The following MAP6 variants were observed in gnomAD, a reference collection of about 807,000 sequenced individuals.
The protein encoded by MAP6 is microtubule associated protein 6.
A neutral mutation model predicts 42.4 loss-of-function variants in MAP6; 26 were observed. The ratio of observed to expected loss-of-function variants is 0.61; its 90% CI spans 0.45 to 0.85. The LOEUF is 0.85. MAP6 is among the 40% of genes least tolerant of loss of function. MAP6 has a pLI of 0.00. For synonymous variants in MAP6, 418 were observed against 443.8 expected (o/e 0.94, Z 0.73); for missense variants, 966 against 1,099.0 (o/e 0.88, Z 1.71).
rs75023921 is a variant in MAP6 at position 75,625,885 on chromosome 11, C to A, written c.906-17563G>T. Among the ~76,000 whole-genome samples, 915 of 152,306 alleles carry A rather than the reference C, an allele frequency of 6.0e-3. 19 individuals are homozygous for A. In the East Asian group the frequency reaches 0.062, roughly 10 times the overall value. ...CATCTGGAGGATCAAGGCCAGACTC[C>A]CCAGCCAGACCACGGGTCCAGTCCA... is the stretch of plus-strand genomic sequence containing the variant. On this transcript the variant is annotated intron_variant, in intron 1 of 3. Transcript: ENST00000304771.
chr11:75,615,475 T>C (rs144147993), intron 1 of MAP6, among the ~76,000 whole-genome samples: 5 of 152,334 alleles, frequency 3.3e-5, no homozygotes, highest in Non-Finnish European at 7.3e-5. Flanking sequence ...GAAAAATTAT[T>C]GCATTTCTTC....
intron 1 of MAP6, among the ~76,000 whole-genome samples, chr11:75,624,902 G>A (rs1943171019): frequency 2.0e-5 from 3 of 152,276 alleles, no homozygotes; most frequent in Admixed American, 2.0e-4. Flanking sequence ...GGCCTCTGCT[G>A]GCGATTCTGT....
chr11:75,603,109 G>T (rs184023969), intron 3 of MAP6: 82 of 985,628 alleles, frequency 8.3e-5, no homozygotes, highest in South Asian at 1.4e-4. Context: ...CCTCAGAGAG[G>T]CAAAGAAAGC....
At chr11:75,664,599 A>T (rs1943915007) in intron 1 of MAP6, among the ~76,000 whole-genome samples, 1 of 152,246 alleles carries the variant, frequency 6.6e-6, no homozygotes, top group South Asian at 2.1e-4. Flanking sequence ...TTGTAAATCA[A>T]ATTATCATTG....
chr11:75,633,431 A>G (rs750080404), intron 1 of MAP6, among the ~76,000 whole-genome samples: 1 of 152,236 alleles, frequency 6.6e-6, no homozygotes, highest in Non-Finnish European at 1.5e-5. Flanking sequence ...TTTGTTTAAC[A>G]TATATTAACT....
At chr11:75,641,534 C>T (rs531850382) in intron 1 of MAP6, among the ~76,000 whole-genome samples, 1 of 151,936 alleles carries the variant, frequency 6.6e-6, no homozygotes, top group Non-Finnish European at 1.5e-5. Context: ...AACCCAGGAG[C>T]CTGAGTGGGG....
Position 75,621,304 on chromosome 11 carries a change from T to A in MAP6, c.906-12982A>T, listed in dbSNP as rs183371792. ...CAACCTTGCCAACATAATGAAACCC[T>A]ATCTTTACTTAAAAAAAAAGAAAGA... On this transcript the variant is annotated intron_variant, in intron 1 of 3. Coordinates refer to ENST00000304771, the MANE Select transcript of MAP6 (RefSeq NM_033063.2). Among the ~76,000 whole-genome samples the A allele has an allele frequency of 2.7e-3, 412 of 151,880 alleles. 1 individual carries two copies. The highest frequency in any genetic ancestry group is 9.2e-3 in the African/African-American group (381 of 41,412).
intron 1 of MAP6, among the ~76,000 whole-genome samples, chr11:75,626,328 G>C (rs1001164459): frequency 2.0e-5 from 3 of 152,142 alleles, no homozygotes; most frequent in African/African-American, 7.2e-5. Flanking sequence ...ATTATATGAA[G>C]GCCAGTAGAG....
intron 1 of MAP6, among the ~76,000 whole-genome samples, chr11:75,655,369 A>G (rs1318858977): frequency 6.6e-6 from 1 of 152,222 alleles, no homozygotes; most frequent in African/African-American, 2.4e-5. Flanking sequence ...ATCCAGCAGT[A>G]GTTTGAATGT....
At chr11:75,633,522 C>G (rs1297554083) in intron 1 of MAP6, among the ~76,000 whole-genome samples, 1 of 152,166 alleles carries the variant, frequency 6.6e-6, no homozygotes, top group Non-Finnish European at 1.5e-5. Flanking sequence ...CAGTGACTTA[C>G]ATTCCAATGA....
intron 1 of MAP6, among the ~76,000 whole-genome samples, chr11:75,665,041 T>C (rs1203594960): frequency 6.6e-6 from 1 of 152,306 alleles, no homozygotes; most frequent in East Asian, 1.9e-4. Context: ...CCGAAAGCCA[T>C]AGGTATAATT....
rs59171056 is a variant in MAP6 at position 75,633,819 on chromosome 11, G to A, written c.906-25497C>T. On this transcript the variant is annotated intron_variant, in intron 1 of 3. Transcript: ENST00000304771. ...TGGGAGCTAACGAGGAGTAGGAGAA[G>A]AGATCAGAGAAGGGCGAGCAGAGTG... is the stretch of plus-strand genomic sequence containing the variant. 1.5e-3 allele frequency among the ~76,000 whole-genome samples: 226 copies of A among 152,358 alleles called. 1 individual carries two copies. The East Asian group carries it at 0.029, about 20-fold the overall frequency.
At chr11:75,634,003 T>C (rs985748651) in intron 1 of MAP6, among the ~76,000 whole-genome samples, 1 of 152,184 alleles carries the variant, frequency 6.6e-6, no homozygotes, top group Admixed American at 6.5e-5. Flanking sequence ...AGACACTAGC[T>C]GGGCAAGGAA....
chr11:75,590,551 A>G (rs1022461505), intron 3 of MAP6, among the ~76,000 whole-genome samples: 5 of 152,256 alleles, frequency 3.3e-5, no homozygotes, highest in African/African-American at 9.6e-5. Context: ...GCTAGCCTCA[A>G]CTTTGCATGG....
In MAP6 at chr11:75,587,509, C is replaced by A; in HGVS notation, c.1992G>T (p.Met664Ile). ...ATAPIKNQGS[M>I]VSEPVKNQGL... ...CTTGATTCTTTACAGGCTCAGAGACCATGGAACCTTGATTCTTTATGGGTG... is the reference window on the plus strand; with the variant it reads ...CTTGATTCTTTACAGGCTCAGAGACAATGGAACCTTGATTCTTTATGGGTG... Residue 664 changes from methionine to isoleucine, a missense_variant, in exon 4 of 4, where the codon ATG becomes ATT. Around this residue, in one of 2 missense-constraint regions of MAP6, gnomAD observed 943 missense variants for 1,049.9 expected, o/e 0.90. Coordinates refer to ENST00000304771, the MANE Select transcript of MAP6 (RefSeq NM_033063.2). 6.2e-7 allele frequency: 1 copy of A among 1,614,162 alleles called. No individual in the cohort carries two copies. Among genetic ancestry groups the A allele is most frequent in the Non-Finnish European group, 8.5e-7 (1 of 1,180,018 alleles).
chr11:75,623,856 C>T (rs1187793018), intron 1 of MAP6, among the ~76,000 whole-genome samples: 1 of 152,170 alleles, frequency 6.6e-6, no homozygotes, highest in Non-Finnish European at 1.5e-5. Context: ...ACTTCTATTG[C>T]ATTTTGTGCT....
At chr11:75,653,111 G>A (rs1278969044) in intron 1 of MAP6, among the ~76,000 whole-genome samples, 1 of 152,066 alleles carries the variant, frequency 6.6e-6, no homozygotes, top group East Asian at 1.9e-4. Context: ...AATCCACAAG[G>A]GAGAATGTGG....
At chr11:75,592,267 C>A (rs1282617349) in intron 3 of MAP6, among the ~76,000 whole-genome samples, 1 of 152,222 alleles carries the variant, frequency 6.6e-6, no homozygotes, top group African/African-American at 2.4e-5. Context: ...CGCTTTCTCA[C>A]ATATCCCCAC....
At chr11:75,610,847 T>TG (rs1034407698) in intron 1 of MAP6, among the ~76,000 whole-genome samples, 6 of 151,842 alleles carry the variant, frequency 4.0e-5, no homozygotes, top group Non-Finnish European at 8.8e-5. Flanking sequence ...GGACTCTGGC[T>TG]GGGGGGCGGT....
Sources: allele counts gnomAD v4.1 joint callset (sites outside exome capture counted in the v4.1 genomes callset), GRCh38; gene constraint gnomAD v4.1.1; regional missense constraint gnomAD v4.1.1; transcripts MANE v1.5; gene names NCBI Gene and HGNC (gene_info 2026-07-23, HGNC 2026-07-21).